Variants in ADAMTS13 observed in about 807,000 individuals in gnomAD.
The protein encoded by ADAMTS13 is A disintegrin and metalloproteinase with thrombospondin motifs 13.
Under a neutral mutation model 155.1 loss-of-function variants are expected in ADAMTS13, and 110 were observed. That is an observed-to-expected ratio of 0.71 (90% confidence interval 0.61 to 0.83). The LOEUF (loss-of-function observed/expected upper bound fraction) is 0.83, where lower values mean the gene tolerates loss of function less well. Ranked by LOEUF, ADAMTS13 falls within the 40% of genes least tolerant of loss-of-function variation. The pLI is 0.00. For missense variants in ADAMTS13, 1,707 were observed against 1,891.7 expected (o/e 0.90, Z 1.81); for synonymous variants, 758 against 756.4 (o/e 1.00, Z -0.03).
intron 24 of ADAMTS13, among the ~76,000 whole-genome samples, chr9:133,454,858 C>T (rs1190270061): frequency 6.6e-6 from 1 of 152,128 alleles, no homozygotes; most frequent in Non-Finnish European, 1.5e-5. Context: ...GAATGGCAGG[C>T]CACTCAGCTC....
chr9:133,421,749 C>T (rs1183524226), upstream of ADAMTS13, among the ~76,000 whole-genome samples: 1 of 152,102 alleles, frequency 6.6e-6, no homozygotes, highest in East Asian at 1.9e-4. Flanking sequence ...GTGTGTCCTC[C>T]CTGATCGCAG....
At chr9:133,431,847 G>T (rs892441620) in intron 8 of ADAMTS13, among the ~76,000 whole-genome samples, 1 of 152,112 alleles carries the variant, frequency 6.6e-6, no homozygotes, top group African/African-American at 2.4e-5. Flanking sequence ...GTAGAGATGG[G>T]GTTTCACTGT....
chr9:133,438,031 G>T (rs1841384609), intron 13 of ADAMTS13, 134 bp downstream of exon 13: 1 of 1,543,682 alleles, frequency 6.5e-7, no homozygotes. Context: ...CTGGGGAAAA[G>T]GATCTGGACT....
chr9:133,445,690 T>A lies in ADAMTS13; in HGVS notation c.2611-9T>A. 1 of 1,612,850 alleles carries A rather than the reference T, an allele frequency of 6.2e-7. No homozygotes were observed. Among genetic ancestry groups the A allele is most frequent in the Non-Finnish European group, 8.5e-7 (1 of 1,179,856 alleles). ...CCCAGACCCACCAGCTTGTTGCTAT[T>A]CCCCACAGCTGGATGCCACCTCTGC... On this transcript the variant is annotated splice_polypyrimidine_tract_variant and intron_variant, in intron 20 of 28. Coordinates refer to ENST00000355699, the MANE Select transcript of ADAMTS13 (RefSeq NM_139027.6). This position sits in a 1 kb window ranked among gnomAD's most constrained non-coding sequence, Gnocchi z 5.0.
chr9:133,432,479 T>TGGCTGTGTCAGTGTGTC lies in ADAMTS13; in HGVS notation c.988-108_988-92dup. On this transcript the variant is annotated intron_variant, in intron 8 of 28. Transcript: ENST00000355699. The stretch of plus-strand genomic sequence containing the variant: ...CACCAGTGCCCACGGTGCAGAGTGT[T>TGGCTGTGTCAGTGTGTC]GGCTGTGTCAGTGTGTCCTGCAGTC... 10 of 973,610 alleles carry TGGCTGTGTCAGTGTGTC rather than the reference T, an allele frequency of 1.0e-5. No individual in the cohort carries two copies. The South Asian group carries it at 1.4e-4, about 14-fold the overall frequency. The allele number at this position is 973,610 out of a possible 1,614,324, so 60.3% of individuals were successfully genotyped here.
At chr9:133,422,148 C>T (rs1274872105), upstream of ADAMTS13, 2 of 494,850 alleles carry the variant, frequency 4.0e-6, no homozygotes, top group Non-Finnish European at 7.2e-6. Flanking sequence ...ATGGCTTAGG[C>T]CTCCTCTAAG....
At chr9:133,457,802 T>C (rs1475628031) in intron 27 of ADAMTS13, 108 bp from the exon 28 acceptor site, 18 of 1,440,552 alleles carry the variant, frequency 1.2e-5, no homozygotes, top group South Asian at 5.8e-5. Flanking sequence ...AACCCCAATA[T>C]TGACCACAGT....
At chr9:133,417,906 C>A, upstream of ADAMTS13, 5 of 1,503,834 alleles carry the variant, frequency 3.3e-6, no homozygotes, top group Admixed American at 2.0e-5. Context: ...CCGGGCCCGG[C>A]GCCCTGGCAG....
At chr9:133,420,554 T>C (rs1300056371), upstream of ADAMTS13, among the ~76,000 whole-genome samples, 1 of 152,196 alleles carries the variant, frequency 6.6e-6, no homozygotes, top group Admixed American at 6.5e-5. Flanking sequence ...TTAGTTCTGA[T>C]TGGTTAATAC....
At chr9:133,435,977 CTTT>C (rs781795173) in intron 11 of ADAMTS13, among the ~76,000 whole-genome samples, 130 of 128,370 alleles carry the variant, frequency 1.0e-3, no homozygotes, top group Admixed American at 3.6e-3. Context: ...CTTTTCTCTT[CTTT>C]TTTTTTTTTT....
rs1029978939 is a variant in ADAMTS13, at chr9:133,440,022, C to T, written c.1787-322C>T. 7.9e-5 allele frequency among the ~76,000 whole-genome samples: 12 copies of T among 152,234 alleles called. No homozygotes were observed. Among genetic ancestry groups the T allele is most frequent in the African/African-American group, 2.9e-4 (12 of 41,460 alleles). On this transcript the variant is annotated intron_variant, in intron 15 of 28. Coordinates refer to ENST00000355699, the MANE Select transcript of ADAMTS13 (RefSeq NM_139027.6). This position sits in a 1 kb window ranked among gnomAD's most constrained non-coding sequence, Gnocchi z 4.3. The stretch of plus-strand genomic sequence containing the variant: ...GCTGGACTTCTCTTTGGGCAAGGCC[C>T]GCTTCTTTGCTATTGAGGGCCACAG...
At chr9:133,422,345 C>T (rs1018816701), upstream of ADAMTS13, 25 of 1,164,594 alleles carry the variant, frequency 2.1e-5, no homozygotes, top group South Asian at 2.9e-4. Flanking sequence ...TCGTCCCGCC[C>T]AGTAGTGAGC....
upstream of ADAMTS13, among the ~76,000 whole-genome samples, chr9:133,418,308 T>A (rs2130755635): frequency 6.6e-6 from 1 of 152,314 alleles, no homozygotes; most frequent in South Asian, 2.1e-4. Flanking sequence ...GCGGTGGGGC[T>A]AGTGAGAGCC....
intron 24 of ADAMTS13, 125 bp downstream of exon 24, chr9:133,454,744 C>G: frequency 6.4e-6 from 8 of 1,258,960 alleles, no homozygotes; most frequent in Non-Finnish European, 8.8e-6. Flanking sequence ...GAGAGAGCTG[C>G]GCCCGTTGGT....
In ADAMTS13 at chr9:133,436,896, G is replaced by A. The variant is rs782733057; in HGVS notation, c.1376G>A (p.Arg459His). 5 of 1,588,004 alleles carry A rather than the reference G, an allele frequency of 3.1e-6. No homozygotes were observed. The highest frequency in any genetic ancestry group is 2.3e-5 in the East Asian group (1 of 43,994). Reference sequence around the variant, plus strand: ...GCCAGGACCGACGGCCAGCCGCTGCGCTCCTCCCCTGGCGGCGCCTCCTTC... The same window carrying A: ...GCCAGGACCGACGGCCAGCCGCTGCACTCCTCCCCTGGCGGCGCCTCCTTC... Reference protein sequence around the residue: ...QCARTDGQPLRSSPGGASFYH... With the variant: ...QCARTDGQPLHSSPGGASFYH... The change falls in exon 12 of 29, where the codon CGC becomes CAC. Residue 459 changes from arginine to histidine, a missense_variant. Around this residue, in one of 3 missense-constraint regions of ADAMTS13, gnomAD observed 733 missense variants for 749.6 expected, o/e 0.98. Transcript: ENST00000355699.
At chr9:133,444,184 C>G (rs1049926717) in intron 19 of ADAMTS13, among the ~76,000 whole-genome samples, 4 of 147,952 alleles carry the variant, frequency 2.7e-5, no homozygotes, top group African/African-American at 9.7e-5. Context: ...TCCAGGCAGC[C>G]ACTTTAGCGC....
chr9:133,450,890 G>A (rs1047113644), intron 23 of ADAMTS13, among the ~76,000 whole-genome samples: 4 of 152,250 alleles, frequency 2.6e-5, no homozygotes, highest in African/African-American at 9.6e-5. Context: ...AGGGTGCAGT[G>A]TGGGGAGGCC....
intron 6 of ADAMTS13, among the ~76,000 whole-genome samples, chr9:133,427,641 A>C (rs1705427234): frequency 1.3e-5 from 2 of 152,168 alleles, no homozygotes; most frequent in Admixed American, 1.3e-4. Flanking sequence ...GAAAGAATTC[A>C]AGAGGGAGCA....
chr9:133,458,228 G>C (rs1212953836), intron 28 of ADAMTS13, 134 bp downstream of exon 28: 1 of 1,089,956 alleles, frequency 9.2e-7, no homozygotes, highest in Non-Finnish European at 1.3e-6. Context: ...GGAGAAGATA[G>C]CTTCCTCCAC....
Sources: gnomAD v4.1 joint callset for allele counts (sites outside exome capture counted in the v4.1 genomes callset) on GRCh38, gnomAD v4.1.1 for gene constraint, gnomAD v4.1.1 regional missense constraint, Gnocchi (gnomAD v3.1) non-coding constraint, MANE v1.5 for transcripts, NCBI Gene and HGNC (gene_info 2026-07-23, HGNC 2026-07-21) for gene names.